Variants in BCL7A observed in about 807,000 individuals in gnomAD.
BCL7A encodes BAF chromatin remodeling complex subunit BCL7A.
BCL7A carries 11 observed loss-of-function variants against 28.4 expected under a neutral mutation model. The observed-to-expected ratio is 0.39, with a 90% CI of 0.24 to 0.64. The LOEUF (loss-of-function observed/expected upper bound fraction) is 0.64, where lower values mean the gene tolerates loss of function less well. Ranked by LOEUF, BCL7A falls within the 30% of genes least tolerant of loss-of-function variation. The pLI is 0.50. For synonymous variants in BCL7A, 123 were observed against 103.3 expected, an observed-to-expected ratio of 1.19 and a Z score of -1.15; for missense variants, 222 against 274.8, an observed-to-expected ratio of 0.81 and a Z score of 1.36.
At chr12:122,023,160 C>A (rs982200001) in intron 1 of BCL7A, among the ~76,000 whole-genome samples, 1 of 152,186 alleles carries the variant, frequency 6.6e-6, no homozygotes, top group African/African-American at 2.4e-5. Context: ...CGGAATCGGC[C>A]CCTGGGCCAG....
At chr12:122,033,687 C>A (rs529256950) in intron 2 of BCL7A, among the ~76,000 whole-genome samples, 16 of 151,836 alleles carry the variant, frequency 1.1e-4, no homozygotes, top group African/African-American at 3.9e-4. Context: ...AAACTCCTGG[C>A]CCCAAGCCAT....
chr12:122,035,684 A>C (rs1450150650), intron 3 of BCL7A, among the ~76,000 whole-genome samples: 1 of 152,224 alleles, frequency 6.6e-6, no homozygotes, highest in Non-Finnish European at 1.5e-5. Context: ...CCCAGGGACA[A>C]GAACCCCGCA....
chr12:122,052,677 TG>T (rs1319974239), intron 4 of BCL7A, among the ~76,000 whole-genome samples: 3 of 151,876 alleles, frequency 2.0e-5, no homozygotes, highest in Non-Finnish European at 4.4e-5. Flanking sequence ...TTTATTGTTT[TG>T]TTTTTTGTTT....
At chr12:122,053,827 A>G (rs1215539921) in intron 4 of BCL7A, among the ~76,000 whole-genome samples, 2 of 152,140 alleles carry the variant, frequency 1.3e-5, no homozygotes, top group Non-Finnish European at 2.9e-5. Flanking sequence ...GTGTGCGGCC[A>G]TCTTGTAAGC....
intron 3 of BCL7A, among the ~76,000 whole-genome samples, chr12:122,039,442 C>T (rs1353470337): frequency 2.0e-5 from 3 of 146,766 alleles, no homozygotes; most frequent in African/African-American, 5.0e-5. Context: ...ACAGTAATTG[C>T]ACCACTGCAT....
chr12:122,046,579 GGC>G (rs1435212724), intron 4 of BCL7A, among the ~76,000 whole-genome samples: 1 of 152,226 alleles, frequency 6.6e-6, no homozygotes, highest in African/African-American at 2.4e-5. Flanking sequence ...AGGACTCATT[GGC>G]AGAGATGCAG....
chr12:122,037,388 T>C (rs1883877600), intron 3 of BCL7A, among the ~76,000 whole-genome samples: 1 of 152,216 alleles, frequency 6.6e-6, no homozygotes, highest in African/African-American at 2.4e-5. Flanking sequence ...TGCTGGAGTT[T>C]CTGATCTCTC....
intron 4 of BCL7A, among the ~76,000 whole-genome samples, chr12:122,053,121 G>A (rs925597056): frequency 6.6e-6 from 1 of 151,690 alleles, no homozygotes; most frequent in African/African-American, 2.4e-5. Context: ...CTCAGCCTCC[G>A]AGTAACTGGG....
intron 4 of BCL7A, among the ~76,000 whole-genome samples, chr12:122,054,556 C>T (rs867962184): frequency 6.6e-6 from 1 of 152,174 alleles, no homozygotes; most frequent in Non-Finnish European, 1.5e-5. Context: ...CCTCCCAGGG[C>T]CCTCAGCAGC....
intron 3 of BCL7A, among the ~76,000 whole-genome samples, chr12:122,042,649 CAAAAA>C (rs55633660): frequency 8.5e-6 from 1 of 117,430 alleles, no homozygotes; most frequent in African/African-American, 3.3e-5. Flanking sequence ...GACTCCATCT[CAAAAA>C]AAAAAAAAAA....
At chr12:122,039,144 A>G (rs1379746568) in intron 3 of BCL7A, among the ~76,000 whole-genome samples, 2 of 151,768 alleles carry the variant, frequency 1.3e-5, no homozygotes, top group African/African-American at 2.4e-5. Flanking sequence ...AAAATACAAA[A>G]AAATTAGCCA....
At chr12:122,023,843 A>T (rs1883540753) in intron 1 of BCL7A, among the ~76,000 whole-genome samples, 1 of 152,300 alleles carries the variant, frequency 6.6e-6, no homozygotes, top group East Asian at 1.9e-4. Flanking sequence ...TCCTTGCCTC[A>T]GCCCCTGTGC....
chr12:122,041,661 G>A (rs1260793328), intron 3 of BCL7A, among the ~76,000 whole-genome samples: 1 of 152,160 alleles, frequency 6.6e-6, no homozygotes, highest in African/African-American at 2.4e-5. Context: ...CTACTCAGGA[G>A]GCAGAGGCAG....
At chr12:122,026,778 C>T (rs1883638068) in intron 1 of BCL7A, among the ~76,000 whole-genome samples, 1 of 152,224 alleles carries the variant, frequency 6.6e-6, no homozygotes, top group Non-Finnish European at 1.5e-5. Context: ...TGGAGGGAGT[C>T]AGCAGGGTCC....
chr12:122,030,679 G>T, intron 1 of BCL7A, 21 bp from the exon 2 acceptor site: 1 of 1,607,356 alleles, frequency 6.2e-7, no homozygotes, highest in East Asian at 2.2e-5. Context: ...CCGGTAACAG[G>T]CTCTTCCTCA....
chr12:122,025,760 A>G (rs1233943890), intron 1 of BCL7A, among the ~76,000 whole-genome samples: 2 of 151,788 alleles, frequency 1.3e-5, no homozygotes, highest in African/African-American at 4.8e-5. Context: ...AGCCTGGCCA[A>G]CATGGTGAAA....
chr12:122,044,174 A>G, intron 4 of BCL7A, 121 bp downstream of exon 4: 1 of 1,183,292 alleles, frequency 8.5e-7, no homozygotes, highest in Non-Finnish European at 1.2e-6. Context: ...GACAGTAAAG[A>G]GAGGTGACAC....
At chr12:122,023,125 T>A (rs1883511282) in intron 1 of BCL7A, among the ~76,000 whole-genome samples, 1 of 152,226 alleles carries the variant, frequency 6.6e-6, no homozygotes, top group African/African-American at 2.4e-5. Context: ...GATCGAACCT[T>A]TCCGCGGCCT....
chr12:122,035,826 TTTTG>T lies in BCL7A; in HGVS notation c.271+411_271+414del, dbSNP rs750078640. On this transcript the variant is annotated intron_variant, in intron 3 of 5. Transcript: ENST00000261822. ...GGCTGCTGGGAATCTCCAAACTGGA[TTTTG>T]TTTGTTTGTTTTGTTTTGTTTTGTT... Among the ~76,000 whole-genome samples the T allele has an allele frequency of 4.6e-5, 7 of 151,998 alleles. No individual in the cohort carries two copies. The East Asian group carries it at 5.8e-4, about 13-fold the overall frequency.
Sources: gnomAD v4.1 joint callset for allele counts (sites outside exome capture counted in the v4.1 genomes callset) on GRCh38, gnomAD v4.1.1 for gene constraint, MANE v1.5 for transcripts, NCBI Gene and HGNC (gene_info 2026-07-23, HGNC 2026-07-21) for gene names.